Variants in DNAH17 observed in about 807,000 individuals in gnomAD.
The protein encoded by DNAH17 is axonemal beta dynein heavy chain 17.
A neutral mutation model predicts 485.6 loss-of-function variants in DNAH17; 376 were observed. The observed-to-expected ratio is 0.77, with a 90% CI of 0.71 to 0.84. The LOEUF (loss-of-function observed/expected upper bound fraction) is 0.84. Ranked by LOEUF, DNAH17 falls within the 40% of genes least tolerant of loss-of-function variation. The pLI, the probability that DNAH17 is intolerant of heterozygous loss-of-function variation, is 0.00. For missense variants in DNAH17, 6,370 were observed against 5,839.3 expected, an observed-to-expected ratio of 1.09 and a Z score of -2.96; for synonymous variants, 3,031 against 2,405.9, an observed-to-expected ratio of 1.26 and a Z score of -7.60.
intron 33 of DNAH17, 166 bp downstream of exon 33, chr17:78,502,410 CTGGGGCTGTGGTGCG>C (rs1458524930): frequency 9.2e-6 from 5 of 545,372 alleles, no homozygotes; most frequent in Middle Eastern, 2.7e-4. Context: ...GGAGAGGTGC[CTGGGGCTGTGGTGCG>C]TGGCTGTTAT....
intron 41 of DNAH17, among the ~76,000 whole-genome samples, chr17:78,493,557 C>T (rs752653110): frequency 1.4e-4 from 21 of 152,254 alleles, no homozygotes; most frequent in Non-Finnish European, 2.5e-4. Context: ...TGAGCTTCCC[C>T]ATGTGACTGG....
rs375154556 is a variant in DNAH17, at chr17:78,525,147, G to A, written c.3726C>T (p.Ile1242=). The change falls in exon 25 of 81, where the codon ATC becomes ATT. Residue 1242 remains isoleucine (I), a synonymous_variant. Transcript: ENST00000389840. ...CCTCCATGATGCCTTCCATGGCGGA[G>A]ATGCTCTTTTGTTGCTAGGGGCGGC... ...YKSLNKQQKS[I]SAMEGIMEAL... is the part of the protein sequence containing the mutation. 4 of 1,613,208 alleles carry A rather than the reference G, an allele frequency of 2.5e-6. No homozygotes were observed. Among genetic ancestry groups the A allele is most frequent in the African/African-American group, 2.7e-5 (2 of 74,950 alleles).
Position 78,552,791 on chromosome 17 carries a change from C to T in DNAH17, c.2193G>A (p.Val731=). 6.2e-7 allele frequency: 1 copy of T among 1,610,496 alleles called. No homozygotes were observed. The highest frequency in any genetic ancestry group is 2.2e-5 in the East Asian group (1 of 44,870). The change falls in exon 15 of 81, where the codon GTG becomes GTA. Residue 731 remains valine, a synonymous_variant. Coordinates refer to ENST00000389840, the MANE Select transcript of DNAH17 (RefSeq NM_173628.4). ...TTATTAGTAGAAATTCTACTGCCTT[C>T]ACTATAGTCTTTATCTGAAAAACAG... ...VGWYNEIKTI[V]KAVEFLLIKS... is the part of the protein sequence containing the mutation.
In DNAH17 at chr17:78,506,803, T is replaced by C. The variant is rs1185195020; in HGVS notation, c.4720A>G (p.Lys1574Glu). ...EKALAEYLET[K>E]RLAFPRFYFV... ...TAGAACCGGGGGAAAGCCAGTCTTT[T>C]CGTCTCTAAATACTCTGCCAAAGCC... The change falls in exon 30 of 81, where the codon AAA becomes GAA. Residue 1574 changes from lysine (K) to glutamate (E), a missense_variant. Physicochemically the swap from Lys to Glu is moderately conservative, Grantham distance 56. Coordinates refer to ENST00000389840, the MANE Select transcript of DNAH17 (RefSeq NM_173628.4). 4.3e-6 allele frequency: 7 copies of C among 1,613,852 alleles called. No homozygotes were observed. Among genetic ancestry groups the C allele is most frequent in the Non-Finnish European group, 5.9e-6 (7 of 1,179,880 alleles).
intron 9 of DNAH17, among the ~76,000 whole-genome samples, chr17:78,567,957 A>G (rs76928198): frequency 0.021 from 3,207 of 152,190 alleles, 94 homozygotes; most frequent in African/African-American, 0.062. Context: ...TGGACTTGAC[A>G]TCACTCCCCT....
At position 78,507,636 on chromosome 17, in the gene DNAH17, A is replaced by G; in HGVS notation, c.4406T>C (p.Leu1469Pro). The G allele has an allele frequency of 6.2e-7, 1 of 1,614,080 alleles. No individual in the cohort carries two copies. Among genetic ancestry groups the G allele is most frequent in the Non-Finnish European group, 8.5e-7 (1 of 1,180,008 alleles). ...LMMSKYLAHF[L>P]KEVTSWQQKL... ...CTGCTGCCAGCTTGTCACCTCCTTC[A>G]GGAAGTGGGCCAGGTACTTGGACAT... Residue 1469 changes from leucine to proline, a missense_variant, in exon 28 of 81, where the codon CTG becomes CCG. Leu to Pro is a moderately conservative substitution (Grantham distance 98, BLOSUM62 -3). Coordinates refer to ENST00000389840, the MANE Select transcript of DNAH17 (RefSeq NM_173628.4).
chr17:78,522,741 G>A, intron 25 of DNAH17: 1 of 212,400 alleles, frequency 4.7e-6, no homozygotes, highest in African/African-American at 2.3e-5. Context: ...AAAGGACCAG[G>A]CAAAAACAAT....
intron 71 of DNAH17, among the ~76,000 whole-genome samples, chr17:78,441,802 C>G (rs1032727092): frequency 2.0e-5 from 3 of 152,128 alleles, no homozygotes; most frequent in African/African-American, 7.2e-5. Flanking sequence ...GATTAGTAAA[C>G]TTGCCAGTGT....
chr17:78,569,116 A>G (rs1329916336), intron 9 of DNAH17, 50 bp downstream of exon 9: 1 of 1,430,650 alleles, frequency 7.0e-7, no homozygotes, highest in Middle Eastern at 1.7e-4. Flanking sequence ...GTCCTAGGGT[A>G]GGAGCAGTCT....
At chr17:78,564,355 C>G (rs185404520) in intron 11 of DNAH17, among the ~76,000 whole-genome samples, 1,810 of 151,650 alleles carry the variant, frequency 0.012, 45 homozygotes, top group African/African-American at 0.041. Context: ...GCCGGGTGAC[C>G]AAGTTACTTA....
intron 1 of DNAH17, 25 bp downstream of exon 1, chr17:78,577,270 C>T (rs543117113): frequency 5.2e-5 from 8 of 152,640 alleles, no homozygotes; most frequent in Non-Finnish European, 8.8e-5. Context: ...CTCCGACTCC[C>T]CCAGCATGGT....
intron 58 of DNAH17, among the ~76,000 whole-genome samples, chr17:78,461,284 C>T (rs1285459808): frequency 6.6e-6 from 1 of 152,228 alleles, no homozygotes; most frequent in Non-Finnish European, 1.5e-5. Flanking sequence ...TCTGGTGAGG[C>T]TGCCGCTGTA....
At position 78,507,383 on chromosome 17, in the gene DNAH17, G is replaced by A. The variant is rs374965152; in HGVS notation, c.4585-14C>T. 3.0e-5 allele frequency: 49 copies of A among 1,614,010 alleles called. No homozygotes were observed. In the African/African-American group the frequency reaches 6.4e-4, roughly 21 times the overall value. On this transcript the variant is annotated splice_polypyrimidine_tract_variant and intron_variant, in intron 28 of 80. Transcript: ENST00000389840. ...TTCCATCAAGGCCTGGGAAGAGAAG[G>A]GGATCGCCAAGGCATTAGGGATCGC...
At chr17:78,576,768 A>T (rs1020484947) in intron 1 of DNAH17, among the ~76,000 whole-genome samples, 1 of 152,186 alleles carries the variant, frequency 6.6e-6, no homozygotes, top group African/African-American at 2.4e-5. Flanking sequence ...TTCTTCCAAG[A>T]ACGGCATGGG....
intron 48 of DNAH17, among the ~76,000 whole-genome samples, chr17:78,481,023 C>T (rs371659141): frequency 9.9e-5 from 15 of 151,910 alleles, no homozygotes; most frequent in African/African-American, 3.6e-4. Flanking sequence ...TCTCGATCTC[C>T]TAACCTCGTG....
rs370518812 is a variant in DNAH17 at position 78,525,986 on chromosome 17, G to A, written c.3711+665C>T. ...GTGAGGCGGAGGTGCAGGTGGGGCCGACCCAGCAGTACCTGGGCACCGTAC... is the reference window on the plus strand; with the variant it reads ...GTGAGGCGGAGGTGCAGGTGGGGCCAACCCAGCAGTACCTGGGCACCGTAC... On this transcript the variant is annotated intron_variant, in intron 24 of 80. Transcript: ENST00000389840. 8.5e-4 allele frequency among the ~76,000 whole-genome samples: 129 copies of A among 152,324 alleles called. 1 individual carries two copies. Among genetic ancestry groups the A allele is most frequent in the African/African-American group, 2.9e-3 (120 of 41,574 alleles).
At chr17:78,455,984 G>T in intron 62 of DNAH17, 148 bp from the exon 63 acceptor site, 1 of 693,728 alleles carries the variant, frequency 1.4e-6, no homozygotes. Flanking sequence ...CTTTTGGGAG[G>T]AAATGCTTTA....
intron 57 of DNAH17, among the ~76,000 whole-genome samples, chr17:78,462,580 C>A (rs907934764): frequency 6.6e-6 from 1 of 152,236 alleles, no homozygotes; most frequent in Non-Finnish European, 1.5e-5. Flanking sequence ...TCTCACCCGA[C>A]ATGGGGCAGG....
chr17:78,560,001 T>C (rs1169821978), intron 13 of DNAH17, among the ~76,000 whole-genome samples: 1 of 152,146 alleles, frequency 6.6e-6, no homozygotes, highest in Non-Finnish European at 1.5e-5. Context: ...ACCGGCTCTA[T>C]TGATCTTCTT....
Sources: gnomAD v4.1 joint callset for allele counts (sites outside exome capture counted in the v4.1 genomes callset) on GRCh38, gnomAD v4.1.1 for gene constraint, MANE v1.5 for transcripts, NCBI Gene and HGNC (gene_info 2026-07-23, HGNC 2026-07-21) for gene names.